Variants in PPP3CA observed in about 807,000 individuals in gnomAD.
PPP3CA encodes CAM-PRP catalytic subunit.
Under a neutral mutation model 66.5 loss-of-function variants are expected in PPP3CA, and 14 were observed. The observed-to-expected ratio is 0.21, with a 90% confidence interval of 0.14 to 0.33. The LOEUF (loss-of-function observed/expected upper bound fraction) is 0.33. Ranked by LOEUF, PPP3CA falls within the 10% of genes least tolerant of loss-of-function variation. The pLI is 1.00. For missense variants in PPP3CA, 317 were observed against 639.5 expected (o/e 0.50, Z 5.44); for synonymous variants, 232 against 226.2 (o/e 1.03, Z -0.23).
chr4:101,046,084 T>C (rs970076348), intron 10 of PPP3CA, among the ~76,000 whole-genome samples: 1 of 152,192 alleles, frequency 6.6e-6, no homozygotes, highest in Non-Finnish European at 1.5e-5. Flanking sequence ...GGAGGATGCA[T>C]GAGCTTGCTG....
intron 2 of PPP3CA, among the ~76,000 whole-genome samples, chr4:101,182,514 A>T (rs540140705): frequency 1.3e-5 from 2 of 149,450 alleles, no homozygotes; most frequent in South Asian, 4.2e-4. Context: ...CATACCTCAG[A>T]TAGATCAAAT....
chr4:101,092,419 T>C (rs1729993020), intron 6 of PPP3CA, among the ~76,000 whole-genome samples: 1 of 146,808 alleles, frequency 6.8e-6, no homozygotes, highest in Admixed American at 6.7e-5. Flanking sequence ...GTTGGATTTT[T>C]TTGGTACAGT....
intron 11 of PPP3CA, among the ~76,000 whole-genome samples, chr4:101,033,154 T>A (rs1429233008): frequency 1.3e-5 from 2 of 152,044 alleles, no homozygotes; most frequent in Non-Finnish European, 2.9e-5. Context: ...AACCACTCAC[T>A]CTTTCCACAT....
intron 11 of PPP3CA, among the ~76,000 whole-genome samples, chr4:101,032,760 G>GGAA (rs374952708): frequency 8.3e-4 from 127 of 152,216 alleles, no homozygotes; most frequent in Middle Eastern, 3.4e-3. Flanking sequence ...AAAAATAAGG[G>GGAA]GAAGTGATTT....
intron 1 of PPP3CA, among the ~76,000 whole-genome samples, chr4:101,224,925 T>A (rs1430747790): frequency 6.6e-6 from 1 of 151,720 alleles, no homozygotes; most frequent in African/African-American, 2.4e-5. Context: ...ATGCCTCTTT[T>A]GCCCTCTTCT....
intron 2 of PPP3CA, among the ~76,000 whole-genome samples, chr4:101,193,789 T>TA (rs34125255): frequency 0.24 from 37,226 of 152,102 alleles, 7,173 homozygotes; most frequent in African/African-American, 0.52. Context: ...ATTTTAACTT[T>TA]AAAAAATGCT....
chr4:101,041,315 C>A (rs1162511088), intron 10 of PPP3CA, among the ~76,000 whole-genome samples: 3 of 151,296 alleles, frequency 2.0e-5, no homozygotes, highest in African/African-American at 7.3e-5. Context: ...TACAAATAAA[C>A]ATATTATTTT....
intron 1 of PPP3CA, among the ~76,000 whole-genome samples, chr4:101,240,008 T>G (rs975069558): frequency 1.4e-5 from 2 of 144,484 alleles, no homozygotes; most frequent in Non-Finnish European, 3.0e-5. Context: ...GAGCCTACAG[T>G]GACTAGTTTT....
chr4:101,108,954 T>C lies in PPP3CA; in HGVS notation c.384A>G (p.Glu128=), dbSNP rs755586682. ...CAAAGAAGACATGATGTAGACTTACTTCAATACTGAAGTACCCTCTGTCAA... is the reference window on the plus strand; with the variant it reads ...CAAAGAAGACATGATGTAGACTTACCTCAATACTGAAGTACCCTCTGTCAA... The part of the protein sequence containing the change: ...DYVDRGYFSI[E]CVLYLWALKI... Residue 128 remains glutamate (E), a splice_region_variant and synonymous_variant, in exon 3 of 14, where the codon GAA becomes GAG. Coordinates refer to ENST00000394854, the MANE Select transcript of PPP3CA (RefSeq NM_000944.5). 6.2e-7 allele frequency: 1 copy of C among 1,613,430 alleles called. No homozygotes were observed. The highest frequency in any genetic ancestry group is 8.5e-7 in the Non-Finnish European group (1 of 1,179,578).
intron 1 of PPP3CA, among the ~76,000 whole-genome samples, chr4:101,211,493 C>T (rs1725297283): frequency 6.6e-6 from 1 of 152,158 alleles, no homozygotes. Flanking sequence ...TCTTATCTGG[C>T]TCTTCTGCCT....
intron 2 of PPP3CA, among the ~76,000 whole-genome samples, chr4:101,164,988 C>A (rs1208456166): frequency 6.6e-6 from 1 of 151,962 alleles, no homozygotes; most frequent in Non-Finnish European, 1.5e-5. Context: ...GTGATTAGCA[C>A]TGACTCTGGG....
At chr4:101,339,557 C>T (rs1729741688) in intron 1 of PPP3CA, among the ~76,000 whole-genome samples, 1 of 152,160 alleles carries the variant, frequency 6.6e-6, no homozygotes, top group Admixed American at 6.5e-5. Flanking sequence ...CCTGATTGGG[C>T]TGGAGAAAGA....
chr4:101,170,191 T>C (rs1348378920), intron 2 of PPP3CA, among the ~76,000 whole-genome samples: 1 of 151,900 alleles, frequency 6.6e-6, no homozygotes, highest in Non-Finnish European at 1.5e-5. Context: ...AAAGTGGCCT[T>C]AGAACAAGTA....
chr4:101,222,072 A>G (rs921744198), intron 1 of PPP3CA, among the ~76,000 whole-genome samples: 3 of 151,674 alleles, frequency 2.0e-5, no homozygotes, highest in Non-Finnish European at 3.0e-5. Context: ...ACTTGTATTT[A>G]AATTTGAAAC....
rs571671033 is a variant in PPP3CA, at chr4:101,044,748, G to C, written c.1157-4182C>G. On this transcript the variant is annotated intron_variant, in intron 10 of 13. Coordinates refer to ENST00000394854, the MANE Select transcript of PPP3CA (RefSeq NM_000944.5). ...AAAACTCAATTTTTCCTCAACATGGGGGAGGCTAGTACACAGACCAAGGGG... is the reference window on the plus strand; with the variant it reads ...AAAACTCAATTTTTCCTCAACATGGCGGAGGCTAGTACACAGACCAAGGGG... 2.0e-5 allele frequency among the ~76,000 whole-genome samples: 3 copies of C among 152,168 alleles called. No homozygotes were observed. The East Asian group carries it at 5.8e-4, about 29-fold the overall frequency.
chr4:101,287,880 G>T (rs1346461176), intron 1 of PPP3CA, among the ~76,000 whole-genome samples: 1 of 151,562 alleles, frequency 6.6e-6, no homozygotes, highest in African/African-American at 2.4e-5. Flanking sequence ...CTTAAGTTCT[G>T]TGCAAACTCA....
At chr4:101,053,996 A>G (rs778497072) in intron 10 of PPP3CA, among the ~76,000 whole-genome samples, 9 of 152,004 alleles carry the variant, frequency 5.9e-5, no homozygotes, top group Non-Finnish European at 1.0e-4. Flanking sequence ...CTTTTCTCAA[A>G]TACTGTTTTT....
At chr4:101,332,841 C>T (rs899187032) in intron 1 of PPP3CA, among the ~76,000 whole-genome samples, 1 of 152,170 alleles carries the variant, frequency 6.6e-6, no homozygotes, top group Non-Finnish European at 1.5e-5. Context: ...GATTTAAATA[C>T]AGATTTTGTC....
chr4:101,117,486 G>T (rs925818614), intron 2 of PPP3CA, among the ~76,000 whole-genome samples: 8 of 150,790 alleles, frequency 5.3e-5, no homozygotes, highest in Non-Finnish European at 1.2e-4. Context: ...TACTTTAAAA[G>T]ATTTAATTTA....
Sources: allele counts gnomAD v4.1 joint callset (sites outside exome capture counted in the v4.1 genomes callset), GRCh38; gene constraint gnomAD v4.1.1; transcripts MANE v1.5; gene names NCBI Gene and HGNC (gene_info 2026-07-23, HGNC 2026-07-21).